Variants in DRP2 observed in about 807,000 individuals in gnomAD.
DRP2 encodes dystrophin related protein 2, also known as dystrophin-related protein 2.
DRP2 carries 29 observed loss-of-function variants against 78.2 expected under a neutral mutation model. That is an observed-to-expected ratio of 0.37 (90% confidence interval 0.28 to 0.51). The LOEUF (loss-of-function observed/expected upper bound fraction) is 0.51, where lower values mean the gene tolerates loss of function less well. DRP2 is among the 20% of genes least tolerant of loss of function. The probability of loss-of-function intolerance (pLI) is 0.94; values close to 1 mark genes in which losing one functional copy is unlikely to be tolerated. For synonymous variants in DRP2, 290 were observed against 281.9 expected (o/e 1.03, Z -0.29); for missense variants, 686 against 770.6 (o/e 0.89, Z 1.30).
intron 4 of DRP2, 113 bp from the exon 5 acceptor site, chrX:101,237,506 C>T: frequency 1.2e-6 from 1 of 835,391 alleles, no homozygotes; most frequent in Non-Finnish European, 1.6e-6. Context: ...CAGAAAAGCT[C>T]CTCCTGAATT....
intron 9 of DRP2, 71 bp downstream of exon 9, chrX:101,243,053 C>G: frequency 9.9e-7 from 1 of 1,014,366 alleles, no homozygotes; most frequent in East Asian, 3.1e-5. Flanking sequence ...TTGTTATCCC[C>G]TGGGGCCCTG....
intron 4 of DRP2, among the ~76,000 whole-genome samples, chrX:101,236,837 A>G (rs1236910541): frequency 1.8e-5 from 2 of 111,710 alleles, no homozygotes; most frequent in African/African-American, 3.3e-5. Context: ...TGTAAGAATT[A>G]GTTGAAGCAA....
At chrX:101,241,589 A>G (rs1922728708) in intron 6 of DRP2, 79 bp from the exon 7 acceptor site, 1 of 1,106,831 alleles carries the variant, frequency 9.0e-7, no homozygotes, top group Non-Finnish European at 1.2e-6. Flanking sequence ...CACACATTTT[A>G]TAAAGGGCTG....
intron 21 of DRP2, among the ~76,000 whole-genome samples, chrX:101,256,697 C>T (rs773443915): frequency 1.0e-3 from 99 of 99,090 alleles, no homozygotes; most frequent in African/African-American, 3.7e-3. Flanking sequence ...TACAGGCATG[C>T]ACCACCATGC....
At chrX:101,257,178 C>T (rs952689324) in intron 21 of DRP2, among the ~76,000 whole-genome samples, 2 of 109,504 alleles carry the variant, frequency 1.8e-5, no homozygotes, top group African/African-American at 6.7e-5. Context: ...CGTAGTACCC[C>T]TTAGAGCAGT....
intron 1 of DRP2, among the ~76,000 whole-genome samples, chrX:101,224,212 T>TTTTTTTTTTTTGTTTTTTTTTTGTTTTTG (rs1922025437): frequency 2.7e-5 from 2 of 75,096 alleles, no homozygotes; most frequent in African/African-American, 1.1e-4. Flanking sequence ...TTTTTTTTTT[T>TTTTTTTTTTTTGTTTTTTTTTTGTTTTTG]TTTTTTTTTG....
rs1428964320 is a variant in DRP2, at chrX:101,244,960, G to A, written c.1055-57G>A. 3.7e-6 allele frequency: 4 copies of A among 1,071,444 alleles called. No homozygotes were observed. In the Admixed American group the frequency reaches 9.8e-5, roughly 26 times the overall value. The allele number at this position is 1,071,444 out of a possible 1,213,427, so 88.3% of individuals were successfully genotyped here. On this transcript the variant is annotated intron_variant, in intron 9 of 23. Coordinates refer to ENST00000395209, the MANE Select transcript of DRP2 (RefSeq NM_001939.3). ...GGAGAATAGAGCAAGGGAGTAGCTG[G>A]GGGCCTTAAGAGCATTAGTGGCCAG...
chrX:101,252,280 G>A (rs368682704), intron 16 of DRP2, among the ~76,000 whole-genome samples: 2 of 111,769 alleles, frequency 1.8e-5, no homozygotes, highest in African/African-American at 6.5e-5. Context: ...GGCCATCCTT[G>A]TTTAGAAGGC....
In DRP2 at chrX:101,244,395, T is replaced by C. The variant is rs145984839; in HGVS notation, c.1055-622T>C. Among the ~76,000 whole-genome samples, 98 of 112,180 alleles carry C rather than the reference T, an allele frequency of 8.7e-4. 1 individual carries two copies. Among genetic ancestry groups the C allele is most frequent in the Non-Finnish European group, 1.6e-3 (87 of 53,223 alleles). ...ACTGTGGTTAAAATTGTTGCTATTATAATCATTGGCATACAGCTATACCTG... is the reference window on the plus strand; with the variant it reads ...ACTGTGGTTAAAATTGTTGCTATTACAATCATTGGCATACAGCTATACCTG... On this transcript the variant is annotated intron_variant, in intron 9 of 23. Coordinates refer to ENST00000395209, the MANE Select transcript of DRP2 (RefSeq NM_001939.3).
intron 3 of DRP2, among the ~76,000 whole-genome samples, chrX:101,234,810 A>C (rs753469679): frequency 9.1e-6 from 1 of 109,447 alleles, no homozygotes; most frequent in African/African-American, 3.3e-5. Context: ...TGGTTTCCTA[A>C]ATTGCCTGGA....
In DRP2 at chrX:101,260,702, T is replaced by C; in HGVS notation, c.*81T>C. The C allele has an allele frequency of 4.5e-6, 5 of 1,107,998 alleles. No individual in the cohort carries two copies. The highest frequency in any genetic ancestry group is 6.0e-6 in the Non-Finnish European group (5 of 832,179). 91.3% of individuals were successfully genotyped at this position (1,107,998 alleles called of 1,213,427 possible). A position where few individuals can be genotyped will look rare whatever the true frequency, so the allele number is the denominator to read the frequency against. On this transcript the variant is annotated 3_prime_UTR_variant, in exon 24 of 24. Transcript: ENST00000395209. ...CTTTCCTCAGCCTTCACCCAACCTT[T>C]CCAGTTTCCACTGGCCCCACATTCC...
chrX:101,221,565 G>A (rs754929700), intron 1 of DRP2, among the ~76,000 whole-genome samples: 1 of 112,540 alleles, frequency 8.9e-6, no homozygotes, highest in Non-Finnish European at 1.9e-5. Flanking sequence ...AAGGCACATG[G>A]AAAGAACTCC....
At chrX:101,253,294 A>T (rs1230198766) in intron 17 of DRP2, among the ~76,000 whole-genome samples, 2 of 110,781 alleles carry the variant, frequency 1.8e-5, no homozygotes, top group East Asian at 5.7e-4. Context: ...TACTTGCCTT[A>T]GCCCAGTTCA....
intron 20 of DRP2, 60 bp downstream of exon 20, chrX:101,255,309 T>C (rs1923299235): frequency 9.0e-7 from 1 of 1,112,280 alleles, no homozygotes; most frequent in Non-Finnish European, 1.2e-6. Context: ...TTTGTGCCAC[T>C]GTTTGGGAAG....
chrX:101,243,485 C>CAA (rs571913059), intron 9 of DRP2, among the ~76,000 whole-genome samples: 1 of 100,489 alleles, frequency 1.0e-5, no homozygotes, highest in Non-Finnish European at 2.0e-5. Flanking sequence ...TGTGCAGGCT[C>CAA]AAAAAAAAAA....
chrX:101,237,988 T>A lies in DRP2; in HGVS notation c.438+213T>A, dbSNP rs747332694. Among the ~76,000 whole-genome samples the A allele has an allele frequency of 3.6e-5, 4 of 112,100 alleles. No individual in the cohort carries two copies. In the South Asian group the frequency reaches 1.5e-3, roughly 42 times the overall value. On this transcript the variant is annotated intron_variant, in intron 5 of 23. Coordinates refer to ENST00000395209, the MANE Select transcript of DRP2 (RefSeq NM_001939.3). ...CAAATTCTAGCCTCCCTTAAAATAC[T>A]GCCATGATTTTTAATGGGAACATGG...
chrX:101,245,109 G>A, intron 10 of DRP2, 32 bp downstream of exon 10: 2 of 1,166,209 alleles, frequency 1.7e-6, no homozygotes, highest in Non-Finnish European at 2.3e-6. Flanking sequence ...AAGCGGGTCA[G>A]TCACCTGCCC....
chrX:101,232,166 G>A (rs766407785), intron 3 of DRP2, among the ~76,000 whole-genome samples: 1 of 110,937 alleles, frequency 9.0e-6, no homozygotes, highest in South Asian at 4.0e-4. Context: ...CCTGCCATCG[G>A]CTTTTCCTCT....
At chrX:101,256,341 T>C in intron 21 of DRP2, 80 bp downstream of exon 21, 1 of 961,571 alleles carries the variant, frequency 1.0e-6, no homozygotes, top group South Asian at 2.8e-5. Flanking sequence ...TTCTACATCC[T>C]AGCTGTCTGA....
Sources: allele counts gnomAD v4.1 joint callset (sites outside exome capture counted in the v4.1 genomes callset), GRCh38; gene constraint gnomAD v4.1.1; transcripts MANE v1.5; gene names NCBI Gene and HGNC (gene_info 2026-07-23, HGNC 2026-07-21).